Variants in ZNF778 observed in about 807,000 individuals in gnomAD.
ZNF778 encodes zinc finger protein 778.
In ZNF778, 37 loss-of-function variants were observed where a neutral mutation model predicts 23.9. The observed-to-expected ratio is 1.54, with a 90% CI of 1.19 to 2.03. The LOEUF (loss-of-function observed/expected upper bound fraction) is 2.03. Among genes scored for constraint, ZNF778 ranks in the 30% most tolerant of loss-of-function variants. The probability of loss-of-function intolerance (pLI) is 0.00; values close to 1 mark genes in which losing one functional copy is unlikely to be tolerated. For missense variants in ZNF778, 1,297 were observed against 934.4 expected (o/e 1.39, Z -5.06); for synonymous variants, 483 against 343.9 (o/e 1.40, Z -4.48).
rs1052477987 is a variant in ZNF778 at position 89,230,391 on chromosome 16, C to CA, written c.*1830dup. The stretch of plus-strand genomic sequence containing the variant: ...ACCTCCAGATCCTCTTCACAGCATG[C>CA]AGAGCGGTCCTGGCAGCTGCTGCAA... On this transcript the variant is annotated 3_prime_UTR_variant, in exon 7 of 7. Coordinates refer to ENST00000433976, the MANE Select transcript of ZNF778 (RefSeq NM_001201407.2). 3 of 152,346 alleles carry CA rather than the reference C, an allele frequency of 2.0e-5. No homozygotes were observed. The highest frequency in any genetic ancestry group is 7.2e-5 in the African/African-American group (3 of 41,448). The allele number at this position is 152,346 out of a possible 1,614,324, so 9.4% of individuals were successfully genotyped here.
At position 89,228,228 on chromosome 16, in the gene ZNF778, G is replaced by C. The variant is rs1477734057; in HGVS notation, c.1940G>C (p.Cys647Ser). The C allele has an allele frequency of 1.2e-6, 2 of 1,613,948 alleles. No homozygotes were observed. The highest frequency in any genetic ancestry group is 1.7e-6 in the Non-Finnish European group (2 of 1,179,924). ...RTHTGEKPYI[C>S]KECGKAFASS... is the part of the protein sequence containing the mutation. ...CACACCGGTGAGAAACCCTACATAT[G>C]TAAGGAGTGTGGGAAAGCCTTTGCT... Residue 647 changes from cysteine to serine, a missense_variant, in exon 7 of 7, where the codon TGT (cysteine) becomes TCT (serine). Transcript: ENST00000433976.
chr16:89,224,449 C>G (rs1339907488), intron 4 of ZNF778, among the ~76,000 whole-genome samples: 4 of 152,178 alleles, frequency 2.6e-5, no homozygotes, highest in Admixed American at 2.0e-4. Flanking sequence ...GAAACCCCAT[C>G]TCTACTAAAA....
rs2031715527 is a variant in ZNF778 at position 89,228,558 on chromosome 16, T to A, written c.2270T>A (p.Phe757Tyr). 1 of 1,570,844 alleles carries A rather than the reference T, an allele frequency of 6.4e-7. No homozygotes were observed. ...HTQIHTDEKP[F>Y] is the part of the protein sequence containing the mutation. Reference sequence around the variant, plus strand: ...CAAATTCACACTGATGAGAAACCTTTCTAATGTAAAGAATGTGGGGAAGCT... The same window carrying A: ...CAAATTCACACTGATGAGAAACCTTACTAATGTAAAGAATGTGGGGAAGCT... Residue 757 changes from phenylalanine (F) to tyrosine (Y), a missense_variant, in exon 7 of 7, where the codon TTC (phenylalanine) becomes TAC (tyrosine). Physicochemically the swap from Phe to Tyr is conservative, Grantham distance 22. Transcript: ENST00000433976.
chr16:89,224,638 G>A, intron 4 of ZNF778, 81 bp from the exon 5 acceptor site: 1 of 1,021,446 alleles, frequency 9.8e-7, no homozygotes, highest in Non-Finnish European at 1.5e-6. Flanking sequence ...TAAAAAAAAG[G>A]AAATGTAGTT....
At chr16:89,221,202 AC>A (rs1294647027) in intron 2 of ZNF778, 50 bp downstream of exon 2, 5 of 1,443,206 alleles carry the variant, frequency 3.5e-6, no homozygotes, top group East Asian at 2.7e-5. Flanking sequence ...AGGTCCTGAT[AC>A]ACAGTGTGTG....
intron 1 of ZNF778, 24 bp downstream of exon 1, chr16:89,217,934 C>T (rs999645640): frequency 2.6e-4 from 40 of 152,328 alleles, no homozygotes; most frequent in African/African-American, 9.6e-4. Flanking sequence ...CCTTTGCTTC[C>T]TTCACTTTGA....
Position 89,227,960 on chromosome 16 carries a change from G to T in ZNF778, c.1672G>T (p.Glu558Ter), listed in dbSNP as rs746702293. The change falls in exon 7 of 7, where the codon GAG (glutamate) becomes TAG (stop). Residue 558 changes from glutamate (E) to a stop codon, truncating the protein, a stop_gained. Transcript: ENST00000433976. LOFTEE classifies it low-confidence loss of function (END_TRUNC). Reference protein sequence around the residue: ...LNEHVKTHTEEKPFICTVCRK... With the variant: ...LNEHVKTHTE The stretch of plus-strand genomic sequence containing the variant: ...TGAGCATGTGAAAACTCACACAGAG[G>T]AGAAGCCCTTTATATGTACGGTATG... 2.1e-5 allele frequency: 34 copies of T among 1,590,046 alleles called. No homozygotes were observed. The highest frequency in any genetic ancestry group is 2.9e-5 in the Non-Finnish European group (34 of 1,165,286).
Position 89,229,270 on chromosome 16 carries a change from T to C in ZNF778, c.*708T>C. ...GTGATTCTTTGAGCAGCGTAGGCTC[T>C]GGTTGGTTAGTCTTGAGGATCCAGA... is the stretch of plus-strand genomic sequence containing the variant. On this transcript the variant is annotated 3_prime_UTR_variant, in exon 7 of 7. Coordinates refer to ENST00000433976, the MANE Select transcript of ZNF778 (RefSeq NM_001201407.2). 2.0e-6 allele frequency: 2 copies of C among 985,634 alleles called. No individual in the cohort carries two copies. Among genetic ancestry groups the C allele is most frequent in the Non-Finnish European group, 2.4e-6 (2 of 830,144 alleles). 61.1% of individuals were successfully genotyped at this position (985,634 alleles called of 1,614,324 possible).
intron 4 of ZNF778, among the ~76,000 whole-genome samples, chr16:89,223,809 T>A (rs2031195924): frequency 6.6e-6 from 1 of 152,166 alleles, no homozygotes; most frequent in Non-Finnish European, 1.5e-5. Context: ...ACTGCATTCT[T>A]TAGAAATGTA....
Position 89,226,961 on chromosome 16 carries a change from C to G in ZNF778, c.673C>G (p.Leu225Val), listed in dbSNP as rs188008490. 1,019 of 1,614,048 alleles carry G rather than the reference C, an allele frequency of 6.3e-4. No homozygotes were observed. The highest frequency in any genetic ancestry group is 7.7e-4 in the South Asian group (70 of 91,088). Residue 225 changes from leucine to valine, a missense_variant, in exon 7 of 7, where the codon CTT (leucine) becomes GTT (valine). Leu to Val is a conservative substitution (Grantham distance 32). Coordinates refer to ENST00000433976, the MANE Select transcript of ZNF778 (RefSeq NM_001201407.2). ...SQQACTRDRS[L>V]DYSSCGEVFL... ...GCAAGCATGCACTCGGGACAGATCT[C>G]TTGACTACAGCAGCTGTGGGGAAGT...
intron 4 of ZNF778, 41 bp downstream of exon 4, chr16:89,223,324 T>C (rs1597351150): frequency 6.2e-7 from 1 of 1,612,054 alleles, no homozygotes; most frequent in Non-Finnish European, 8.5e-7. Flanking sequence ...GTGGAACCAA[T>C]ACTTGATGTG....
At position 89,221,153 on chromosome 16, in the gene ZNF778, G is replaced by GT. The variant is rs1567496593; in HGVS notation, c.25+2dup. On this transcript the variant is annotated splice_donor_variant, in intron 2 of 6. Coordinates refer to ENST00000433976, the MANE Select transcript of ZNF778 (RefSeq NM_001201407.2). LOFTEE classifies it high-confidence loss of function. ...ATGGCAGCCCCTGACCTGGCCCACG[G>GT]TAAGTCCTGGTGGGGCTCCTTCTCA... 6.4e-7 allele frequency: 1 copy of GT among 1,562,604 alleles called. No homozygotes were observed. Among genetic ancestry groups the GT allele is most frequent in the Non-Finnish European group, 8.7e-7 (1 of 1,153,144 alleles).
Position 89,228,583 on chromosome 16 carries a change from TG to T in ZNF778, c.*22del, listed in dbSNP as rs2031717981. The T allele has an allele frequency of 4.5e-6, 7 of 1,550,752 alleles. No individual in the cohort carries two copies. In the South Asian group the frequency reaches 6.4e-5, roughly 14 times the overall value. ...TCTAATGTAAAGAATGTGGGGAAGC[TG>T]TCAGCTACACTCATTCACGTTGAAG... On this transcript the variant is annotated 3_prime_UTR_variant, in exon 7 of 7. Coordinates refer to ENST00000433976, the MANE Select transcript of ZNF778 (RefSeq NM_001201407.2).
In ZNF778 at chr16:89,223,161, C is replaced by T. The variant is rs199891318; in HGVS notation, c.122C>T (p.Ala41Val). Residue 41 changes from alanine to valine, a missense_variant, in exon 4 of 7, where the codon GCG (alanine) becomes GTG (valine). Transcript: ENST00000433976. ...AGWLINCYQD[A>V]VTFDDVAVDF... ...CCGTCATGTGTGATGATTTAGGACG[C>T]GGTGACCTTTGACGACGTGGCTGTG... 1.0e-4 allele frequency: 162 copies of T among 1,613,044 alleles called. No homozygotes were observed. The highest frequency in any genetic ancestry group is 5.2e-4 in the African/African-American group (39 of 74,930).
rs762697659 is a variant in ZNF778 at position 89,226,802 on chromosome 16, A to G, written c.514A>G (p.Ser172Gly). 3.1e-6 allele frequency: 5 copies of G among 1,614,014 alleles called. No homozygotes were observed. The highest frequency in any genetic ancestry group is 4.2e-6 in the Non-Finnish European group (5 of 1,179,898). Residue 172 changes from serine (S) to glycine (G), a missense_variant, in exon 7 of 7, where the codon AGT becomes GGT. Ser to Gly is a moderately conservative substitution (Grantham distance 56). Transcript: ENST00000433976. ...THVRTQNTGD[S>G]CVSNHYERDF... ...CGTGAGAACTCAAAATACAGGAGAC[A>G]GTTGTGTGTCTAATCATTATGAAAG...
chr16:89,227,301 A>T lies in ZNF778; in HGVS notation c.1013A>T (p.Glu338Val). The change falls in exon 7 of 7, where the codon GAA becomes GTA. Residue 338 changes from glutamate (E) to valine (V), a missense_variant. Physicochemically the swap from Glu to Val is moderately radical, Grantham distance 121. Coordinates refer to ENST00000433976, the MANE Select transcript of ZNF778 (RefSeq NM_001201407.2). ...ATTCATGCTGCAGAGAAACCCTGTG[A>T]ATGTAAAGAATGCGGAAAAGCCTTC... ...VRIHAAEKPC[E>V]CKECGKAFTG... 1.2e-6 allele frequency: 2 copies of T among 1,613,892 alleles called. No homozygotes were observed. Among genetic ancestry groups the T allele is most frequent in the East Asian group, 2.2e-5 (1 of 44,868 alleles).
In ZNF778 at chr16:89,226,976, T is replaced by C. The variant is rs375756096; in HGVS notation, c.688T>C (p.Cys230Arg). 84 of 1,613,912 alleles carry C rather than the reference T, an allele frequency of 5.2e-5. No individual in the cohort carries two copies. Among genetic ancestry groups the C allele is most frequent in the Non-Finnish European group, 6.1e-5 (72 of 1,179,902 alleles). ...TRDRSLDYSSCGEVFLNQSYL... is the reference protein window; with the variant it reads ...TRDRSLDYSSRGEVFLNQSYL... ...GGACAGATCTCTTGACTACAGCAGC[T>C]GTGGGGAAGTGTTCCTTAATCAGTC... is the stretch of plus-strand genomic sequence containing the variant. Residue 230 changes from cysteine (C) to arginine (R), a missense_variant, in exon 7 of 7, where the codon TGT becomes CGT. Physicochemically the swap from Cys to Arg is radical, Grantham distance 180. Transcript: ENST00000433976.
At chr16:89,222,226 T>C (rs2031026708) in intron 3 of ZNF778, 43 bp downstream of exon 3, 7 of 1,464,572 alleles carry the variant, frequency 4.8e-6, no homozygotes, top group Non-Finnish European at 6.6e-6. Flanking sequence ...CATACTGGTA[T>C]TCAGCAGATA....
Position 89,236,275 on chromosome 16 carries a change from A to C in ZNF778, c.*7713A>C, listed in dbSNP as rs896080633. The C allele has an allele frequency of 6.6e-6, 1 of 152,244 alleles. No homozygotes were observed. The highest frequency in any genetic ancestry group is 1.5e-5 in the Non-Finnish European group (1 of 68,044). 9.4% of individuals were successfully genotyped at this position (152,244 alleles called of 1,614,324 possible). A position where few individuals can be genotyped will look rare whatever the true frequency, so the allele number is the denominator to read the frequency against. Reference sequence around the variant, plus strand: ...GGAAGGAGGCTGAGAAAGTGGACACAGTGCTTCCAGAAGAACAATTCAATT... The same window carrying C: ...GGAAGGAGGCTGAGAAAGTGGACACCGTGCTTCCAGAAGAACAATTCAATT... On this transcript the variant is annotated 3_prime_UTR_variant, in exon 7 of 7. Transcript: ENST00000433976.
Sources: allele counts gnomAD v4.1 joint callset (sites outside exome capture counted in the v4.1 genomes callset), GRCh38; gene constraint gnomAD v4.1.1; transcripts MANE v1.5; gene names NCBI Gene and HGNC (gene_info 2026-07-23, HGNC 2026-07-21).